Variants in WWOX observed in about 807,000 individuals in gnomAD.
WWOX encodes WW domain containing oxidoreductase, also known as WW domain-containing oxidoreductase.
In WWOX, 69 loss-of-function variants were observed where a neutral mutation model predicts 46.2. That is an observed-to-expected ratio of 1.49 (90% CI 1.23 to 1.82). WWOX has a LOEUF of 1.82. Ranked by LOEUF, WWOX falls within the 40% of genes most tolerant of loss-of-function variation. The probability of loss-of-function intolerance (pLI) is 0.00; values close to 1 mark genes in which losing one functional copy is unlikely to be tolerated. For missense variants in WWOX, 919 were observed against 542.6 expected (o/e 1.69, Z -6.89); for synonymous variants, 359 against 202.6 (o/e 1.77, Z -6.56).
intron 8 of WWOX, among the ~76,000 whole-genome samples, chr16:78,676,574 A>T (rs1449892277): frequency 2.0e-5 from 3 of 152,136 alleles, no homozygotes; most frequent in Non-Finnish European, 4.4e-5. Flanking sequence ...TTTCATCAGG[A>T]TGAAATATCG....
At position 78,968,093 on chromosome 16, in the gene WWOX, GCA is replaced by G. The variant is rs1291688484; in HGVS notation, c.1057-243514_1057-243513del. On this transcript the variant is annotated intron_variant, in intron 8 of 8. Coordinates refer to ENST00000566780, the MANE Select transcript of WWOX (RefSeq NM_016373.4). ...GTCTGTATGGCACAGTGCATGGTCC[GCA>G]TGGCACAGCGCGTGGTCCGCGTGGC... Among the ~76,000 whole-genome samples the G allele has an allele frequency of 2.2e-3, 297 of 135,110 alleles. No homozygotes were observed. The Middle Eastern group carries it at 0.026, about 12-fold the overall frequency. 88.6% of individuals were successfully genotyped at this position (135,110 alleles called of 152,430 possible).
intron 8 of WWOX, chr16:79,110,739 G>C (rs2150654674): frequency 6.6e-6 from 1 of 152,306 alleles, no homozygotes; most frequent in South Asian, 2.1e-4. Flanking sequence ...GGGATGTTTT[G>C]CTTCGGGATG....
intron 8 of WWOX, among the ~76,000 whole-genome samples, chr16:78,849,534 A>G (rs1272154290): frequency 7.0e-6 from 1 of 142,244 alleles, no homozygotes; most frequent in Non-Finnish European, 1.5e-5. Flanking sequence ...AGATCGTGAC[A>G]CTGCACTCCG....
At chr16:78,324,895 ATTT>A (rs1555519904) in intron 5 of WWOX, among the ~76,000 whole-genome samples, 1 of 152,206 alleles carries the variant, frequency 6.6e-6, no homozygotes, top group Non-Finnish European at 1.5e-5. Flanking sequence ...GAATTATACA[ATTT>A]TAAATGGGTG....
chr16:78,929,566 C>G (rs780794963), intron 8 of WWOX, among the ~76,000 whole-genome samples: 2 of 152,128 alleles, frequency 1.3e-5, no homozygotes, highest in Admixed American at 6.6e-5. Context: ...AGTCATTCTC[C>G]TCCCCAAATA....
intron 1 of WWOX, among the ~76,000 whole-genome samples, chr16:78,107,211 C>G (rs2032200649): frequency 6.6e-6 from 1 of 152,134 alleles, no homozygotes; most frequent in African/African-American, 2.4e-5. Flanking sequence ...CTTCGAATAC[C>G]TCTTGTAGCA....
intron 6 of WWOX, among the ~76,000 whole-genome samples, chr16:78,406,729 C>G (rs1486680982): frequency 1.3e-5 from 2 of 151,400 alleles, no homozygotes; most frequent in South Asian, 2.1e-4. Context: ...GGGGTTCAAG[C>G]GATTCTCCTG....
At chr16:78,833,560 G>T (rs2051891751) in intron 8 of WWOX, among the ~76,000 whole-genome samples, 1 of 152,054 alleles carries the variant, frequency 6.6e-6, no homozygotes, top group Admixed American at 6.6e-5. Flanking sequence ...ACCCCAGTAG[G>T]CTTATGGTGC....
chr16:78,757,713 TTTTA>T (rs1300417464), intron 8 of WWOX, among the ~76,000 whole-genome samples: 2 of 151,808 alleles, frequency 1.3e-5, no homozygotes, highest in African/African-American at 2.4e-5. Context: ...ATAAATCCAT[TTTTA>T]TTTATTTATA....
At chr16:78,593,369 G>A (rs2045396945) in intron 8 of WWOX, among the ~76,000 whole-genome samples, 1 of 152,102 alleles carries the variant, frequency 6.6e-6, no homozygotes, top group African/African-American at 2.4e-5. Context: ...TGTCCTAACT[G>A]ACAGTTTTGT....
rs530084111 is a variant in WWOX, at chr16:78,177,214, C to T, written c.516+12925C>T. On this transcript the variant is annotated intron_variant, in intron 5 of 8. Coordinates refer to ENST00000566780, the MANE Select transcript of WWOX (RefSeq NM_016373.4). ...TATGAAAATCAAATGTTTTCCCAAC[C>T]CAGTTTACCAAGTAGCTCCCAAATT... 7.9e-5 allele frequency among the ~76,000 whole-genome samples: 12 copies of T among 152,194 alleles called. No homozygotes were observed. The South Asian group carries it at 2.1e-3, about 26-fold the overall frequency.
intron 8 of WWOX, among the ~76,000 whole-genome samples, chr16:78,877,223 T>A (rs569069264): frequency 6.6e-6 from 1 of 152,246 alleles, no homozygotes; most frequent in South Asian, 2.1e-4. Context: ...TCAGGCTGAT[T>A]AAAAGGCAAA....
At chr16:78,961,865 A>T (rs1306744568) in intron 8 of WWOX, among the ~76,000 whole-genome samples, 2 of 152,146 alleles carry the variant, frequency 1.3e-5, no homozygotes, top group African/African-American at 4.8e-5. Context: ...ATTTTGCAGA[A>T]ATCATTCTGT....
chr16:78,253,631 G>A (rs996821996), intron 5 of WWOX, among the ~76,000 whole-genome samples: 12 of 152,146 alleles, frequency 7.9e-5, no homozygotes, highest in Non-Finnish European at 1.3e-4. Context: ...TGGTTTAATG[G>A]TTGATTCAAA....
At chr16:79,111,993 A>C (rs1228059750) in intron 8 of WWOX, among the ~76,000 whole-genome samples, 1 of 151,888 alleles carries the variant, frequency 6.6e-6, no homozygotes, top group Non-Finnish European at 1.5e-5. Flanking sequence ...ACCATCCCCA[A>C]ACTCCATTCT....
intron 8 of WWOX, among the ~76,000 whole-genome samples, chr16:78,464,834 G>C: frequency 6.6e-6 from 1 of 152,160 alleles, no homozygotes; most frequent in East Asian, 1.9e-4. Flanking sequence ...GAGAATCAGA[G>C]AAAGAAGAAA....
chr16:78,380,961 A>T (rs2081942665), intron 5 of WWOX, among the ~76,000 whole-genome samples: 1 of 152,068 alleles, frequency 6.6e-6, no homozygotes, highest in South Asian at 2.1e-4. Flanking sequence ...CACTCTATCT[A>T]ATCTTCACTC....
At chr16:78,316,097 A>G (rs965294521) in intron 5 of WWOX, among the ~76,000 whole-genome samples, 16 of 151,178 alleles carry the variant, frequency 1.1e-4, no homozygotes, top group African/African-American at 3.4e-4. Context: ...AATAAAAAAA[A>G]AATCAGGCAT....
At chr16:78,950,819 G>T (rs1438916231) in intron 8 of WWOX, among the ~76,000 whole-genome samples, 1 of 152,124 alleles carries the variant, frequency 6.6e-6, no homozygotes. Flanking sequence ...GCACCTTTGG[G>T]GAAAACCAGA....
Sources: gnomAD v4.1 joint callset for allele counts (sites outside exome capture counted in the v4.1 genomes callset) on GRCh38, gnomAD v4.1.1 for gene constraint, MANE v1.5 for transcripts, NCBI Gene and HGNC (gene_info 2026-07-23, HGNC 2026-07-21) for gene names.